The following RALYL variants were observed in gnomAD, a reference collection of about 807,000 sequenced individuals.
RALYL encodes the protein RNA-binding Raly-like protein.
In RALYL, 29 loss-of-function variants were observed where a neutral mutation model predicts 35.1. The observed-to-expected ratio is 0.83, with a 90% CI of 0.61 to 1.13. The LOEUF (loss-of-function observed/expected upper bound fraction) is 1.13. RALYL is among the 50% of genes most tolerant of loss of function. The pLI is 0.00. For missense variants in RALYL, 359 were observed against 360.4 expected, an observed-to-expected ratio of 1.00 and a Z score of 0.03; for synonymous variants, 120 against 127.6, an observed-to-expected ratio of 0.94 and a Z score of 0.40.
chr8:84,465,450 G>A, intron 1 of RALYL, among the ~76,000 whole-genome samples: 1 of 78,674 alleles, frequency 1.3e-5, no homozygotes, highest in African/African-American at 5.3e-5. Context: ...TCAGATAGTT[G>A]TAGATATGCG....
chr8:84,381,596 G>A (rs1563823037), intron 1 of RALYL, among the ~76,000 whole-genome samples: 1 of 151,638 alleles, frequency 6.6e-6, no homozygotes, highest in Non-Finnish European at 1.5e-5. Context: ...ATCAGTTAAG[G>A]CCACTATTTT....
intron 1 of RALYL, among the ~76,000 whole-genome samples, chr8:84,468,115 T>C (rs887616552): frequency 2.0e-5 from 3 of 151,886 alleles, no homozygotes; most frequent in South Asian, 4.2e-4. Flanking sequence ...AGTCTGTGTC[T>C]TTTAATTGGA....
intron 1 of RALYL, among the ~76,000 whole-genome samples, chr8:84,358,805 C>T (rs187503275): frequency 1.1e-4 from 16 of 152,000 alleles, no homozygotes; most frequent in African/African-American, 3.9e-4. Context: ...ATGTGGATAA[C>T]AAAAATGAAA....
intron 2 of RALYL, among the ~76,000 whole-genome samples, chr8:84,549,391 A>C (rs1018314094): frequency 6.6e-6 from 1 of 152,202 alleles, no homozygotes; most frequent in Non-Finnish European, 1.5e-5. Context: ...CAGGTGGATC[A>C]AAACAGACTT....
At chr8:84,827,036 G>C (rs905677036) in intron 4 of RALYL, among the ~76,000 whole-genome samples, 1 of 151,838 alleles carries the variant, frequency 6.6e-6, no homozygotes, top group African/African-American at 2.4e-5. Context: ...TTACTTAAAA[G>C]AATATATGAA....
In RALYL at chr8:84,297,592, G is replaced by A. The variant is rs183847062; in HGVS notation, c.-24+113168G>A. Reference sequence around the variant, plus strand: ...TACCCAATAATGGGATTGATAGGTCGAATGGTAGTTTAAGTTCTTTGAGAA... The same window carrying A: ...TACCCAATAATGGGATTGATAGGTCAAATGGTAGTTTAAGTTCTTTGAGAA... On this transcript the variant is annotated intron_variant, in intron 1 of 8. Coordinates refer to ENST00000521268, the MANE Select transcript of RALYL (RefSeq NM_173848.7). Among the ~76,000 whole-genome samples, 513 of 152,072 alleles carry A rather than the reference G, an allele frequency of 3.4e-3. 3 individuals carry two copies. Among genetic ancestry groups the A allele is most frequent in the African/African-American group, 0.011 (446 of 41,522 alleles).
At chr8:84,743,815 C>T (rs759919178) in intron 2 of RALYL, among the ~76,000 whole-genome samples, 9 of 152,134 alleles carry the variant, frequency 5.9e-5, no homozygotes, top group East Asian at 3.9e-4. Context: ...GAAGACATTA[C>T]GCTAACTGAA....
intron 1 of RALYL, among the ~76,000 whole-genome samples, chr8:84,266,855 G>A (rs1028156976): frequency 2.0e-5 from 3 of 151,504 alleles, no homozygotes; most frequent in Admixed American, 6.6e-5. Context: ...AGCTACTCGG[G>A]AGGCTGAGGC....
At chr8:84,689,076 T>A (rs1054660459) in intron 2 of RALYL, among the ~76,000 whole-genome samples, 4 of 152,056 alleles carry the variant, frequency 2.6e-5, no homozygotes, top group Non-Finnish European at 5.9e-5. Context: ...TTTTCTTTTT[T>A]TTTTTAAATT....
intron 1 of RALYL, among the ~76,000 whole-genome samples, chr8:84,521,839 T>A (rs2058483508): frequency 6.6e-6 from 1 of 152,172 alleles, no homozygotes; most frequent in Non-Finnish European, 1.5e-5. Flanking sequence ...ATTATATATT[T>A]ATTTTTGCTT....
intron 4 of RALYL, among the ~76,000 whole-genome samples, chr8:84,813,551 C>T (rs1012456063): frequency 8.5e-5 from 13 of 152,236 alleles, no homozygotes; most frequent in Admixed American, 6.5e-4. Flanking sequence ...TTGAATTTGT[C>T]CACAGCACAC....
intron 2 of RALYL, among the ~76,000 whole-genome samples, chr8:84,735,082 A>T (rs28660088): frequency 6.6e-6 from 1 of 151,404 alleles, no homozygotes; most frequent in South Asian, 2.1e-4. Context: ...TTGGCCACAA[A>T]TGGTCAGAAG....
At chr8:84,251,752 C>T (rs1354540952) in intron 1 of RALYL, among the ~76,000 whole-genome samples, 1 of 151,854 alleles carries the variant, frequency 6.6e-6, no homozygotes, top group Non-Finnish European at 1.5e-5. Flanking sequence ...AGCTGATAGG[C>T]TGTTATATTT....
intron 2 of RALYL, among the ~76,000 whole-genome samples, chr8:84,692,061 A>G (rs10958225): frequency 0.29 from 44,387 of 151,856 alleles, 7,209 homozygotes; most frequent in African/African-American, 0.43. Flanking sequence ...TGGAAAATCA[A>G]AATAGAAGGG....
At chr8:84,552,987 CAT>C (rs2060852871) in intron 2 of RALYL, among the ~76,000 whole-genome samples, 1 of 152,016 alleles carries the variant, frequency 6.6e-6, no homozygotes, top group African/African-American at 2.4e-5. Flanking sequence ...CACACACATA[CAT>C]ACATAAATGA....
At chr8:84,619,421 C>T (rs1321362200) in intron 2 of RALYL, among the ~76,000 whole-genome samples, 2 of 148,612 alleles carry the variant, frequency 1.3e-5, no homozygotes, top group Admixed American at 1.3e-4. Context: ...GCAACCCCTG[C>T]CTTTTTTTGT....
At chr8:84,291,961 A>G (rs1410078901) in intron 1 of RALYL, among the ~76,000 whole-genome samples, 2 of 150,164 alleles carry the variant, frequency 1.3e-5, no homozygotes, top group African/African-American at 4.9e-5. Flanking sequence ...TAATACATGC[A>G]TTAGGAATAT....
chr8:84,443,908 G>A (rs1197631225), intron 1 of RALYL, among the ~76,000 whole-genome samples: 1 of 152,070 alleles, frequency 6.6e-6, no homozygotes, highest in Non-Finnish European at 1.5e-5. Flanking sequence ...AGAGAACAGG[G>A]CAAGTAATGA....
chr8:84,766,985 A>T (rs1211601325), intron 2 of RALYL, among the ~76,000 whole-genome samples: 1 of 152,204 alleles, frequency 6.6e-6, no homozygotes, highest in Non-Finnish European at 1.5e-5. Flanking sequence ...ACCCATACTC[A>T]GTGTCATGGA....
Sources: gnomAD v4.1 joint callset for allele counts (sites outside exome capture counted in the v4.1 genomes callset) on GRCh38, gnomAD v4.1.1 for gene constraint, MANE v1.5 for transcripts, NCBI Gene and HGNC (gene_info 2026-07-23, HGNC 2026-07-21) for gene names.